Variants in GPHN observed in about 807,000 individuals in gnomAD.
GPHN encodes gephyrin.
Under a neutral mutation model 95.5 loss-of-function variants are expected in GPHN, and 17 were observed. The observed-to-expected ratio is 0.18, with a 90% confidence interval of 0.12 to 0.27. GPHN has a LOEUF of 0.27. GPHN is among the 10% of genes least tolerant of loss of function. The probability of loss-of-function intolerance (pLI) is 1.00; values close to 1 mark genes in which losing one functional copy is unlikely to be tolerated. For synonymous variants in GPHN, 320 were observed against 322.5 expected, an observed-to-expected ratio of 0.99 and a Z score of 0.08; for missense variants, 660 against 978.1, an observed-to-expected ratio of 0.67 and a Z score of 4.34.
At chr14:67,727,016 C>T in the GPHN span, 1 of 1,613,382 alleles carries the variant, frequency 6.2e-7, no homozygotes, top group Non-Finnish European at 8.5e-7. Flanking sequence ...CCTGGAGCGG[C>T]TAAAGGTGTC....
intron 1 of GPHN, among the ~76,000 whole-genome samples, chr14:66,627,390 C>G (rs1280215465): frequency 6.6e-6 from 1 of 151,850 alleles, no homozygotes; most frequent in African/African-American, 2.4e-5. Context: ...AACATTGTTT[C>G]TCAGATACAT....
At chr14:67,527,123 G>A in the GPHN span, among the ~76,000 whole-genome samples, 3 of 152,194 alleles carry the variant, frequency 2.0e-5, no homozygotes, top group Non-Finnish European at 2.9e-5. Flanking sequence ...CCTGGAAGGT[G>A]CCCCGCAAGG....
intron 8 of GPHN, among the ~76,000 whole-genome samples, chr14:66,952,262 A>T (rs908089121): frequency 1.3e-5 from 2 of 152,216 alleles, no homozygotes; most frequent in African/African-American, 4.8e-5. Context: ...TATTTTGGAC[A>T]TAACATATAA....
chr14:67,339,486 C>G, the GPHN span, among the ~76,000 whole-genome samples: 1 of 152,204 alleles, frequency 6.6e-6, no homozygotes, highest in South Asian at 2.1e-4. Flanking sequence ...CCCCCCATGC[C>G]TTTCCTAAAT....
At chr14:67,575,742 C>A in the GPHN span, 4 of 1,049,910 alleles carry the variant, frequency 3.8e-6, no homozygotes, top group Non-Finnish European at 5.7e-6. Flanking sequence ...TTCCCAGCTT[C>A]ACGGAGCCTA....
intron 2 of GPHN, among the ~76,000 whole-genome samples, chr14:66,713,233 G>T (rs2069835711): frequency 6.6e-6 from 1 of 152,102 alleles, no homozygotes; most frequent in South Asian, 2.1e-4. Context: ...GTGTAGAAGG[G>T]TTTTTCTGAT....
At chr14:67,732,411 T>C in the GPHN span, among the ~76,000 whole-genome samples, 2 of 135,450 alleles carry the variant, frequency 1.5e-5, no homozygotes, top group African/African-American at 5.7e-5. Context: ...GCCTGGGTGA[T>C]GAAGTGAGAC....
intron 10 of GPHN, among the ~76,000 whole-genome samples, chr14:67,057,138 G>A (rs955582734): frequency 5.1e-4 from 77 of 152,168 alleles, no homozygotes; most frequent in Non-Finnish European, 1.6e-4. Context: ...ACAGTGCAGC[G>A]GCAGGCTGAA....
At chr14:67,734,105 G>T in the GPHN span, 1 of 373,516 alleles carries the variant, frequency 2.7e-6, no homozygotes, top group Non-Finnish European at 5.2e-6. Context: ...GGGGGCAGCA[G>T]GACTGGGCAG....
At chr14:66,958,948 G>A (rs964080692) in intron 8 of GPHN, among the ~76,000 whole-genome samples, 5 of 151,782 alleles carry the variant, frequency 3.3e-5, no homozygotes, top group Non-Finnish European at 7.4e-5. Flanking sequence ...ATTTTCTGGT[G>A]TACCATTTTG....
At chr14:66,711,754 C>A (rs10142385) in intron 2 of GPHN, among the ~76,000 whole-genome samples, 46,854 of 151,024 alleles carry the variant, frequency 0.31, 11,133 homozygotes, top group African/African-American at 0.64. Flanking sequence ...CCCTACCCCC[C>A]CACAGGCCCC....
chr14:67,401,586 C>G, the GPHN span, among the ~76,000 whole-genome samples: 1 of 152,114 alleles, frequency 6.6e-6, no homozygotes, highest in Non-Finnish European at 1.5e-5. Context: ...AAAGACCACT[C>G]AGGACACAGT....
In GPHN at chr14:66,579,843, G is replaced by A. The variant is rs755557032; in HGVS notation, c.64+71252G>A. Among the ~76,000 whole-genome samples, 14 of 151,636 alleles carry A rather than the reference G, an allele frequency of 9.2e-5. 1 individual carries two copies. Among genetic ancestry groups the A allele is most frequent in the Non-Finnish European group, 1.8e-4 (12 of 67,656 alleles). ...GAATTTGATTTATAATTTGATATGTGGACTTCAATCACACAGTAAAGCAAC... is the reference window on the plus strand; with the variant it reads ...GAATTTGATTTATAATTTGATATGTAGACTTCAATCACACAGTAAAGCAAC... On this transcript the variant is annotated intron_variant, in intron 1 of 22. Coordinates refer to ENST00000478722, the MANE Select transcript of GPHN (RefSeq NM_020806.5).
rs538254326 is a variant in GPHN at position 66,554,974 on chromosome 14, G to A, written c.64+46383G>A. ...ATATTCTAGTACCCAAAGATACTATGACAGTTGCCATGAAGGAACCTTATA... is the reference window on the plus strand; with the variant it reads ...ATATTCTAGTACCCAAAGATACTATAACAGTTGCCATGAAGGAACCTTATA... On this transcript the variant is annotated intron_variant, in intron 1 of 22. Coordinates refer to ENST00000478722, the MANE Select transcript of GPHN (RefSeq NM_020806.5). 5.9e-5 allele frequency among the ~76,000 whole-genome samples: 9 copies of A among 152,278 alleles called. No individual in the cohort carries two copies. The East Asian group carries it at 1.7e-3, about 29-fold the overall frequency.
chr14:67,375,961 C>T, the GPHN span, among the ~76,000 whole-genome samples: 2 of 152,010 alleles, frequency 1.3e-5, no homozygotes, highest in African/African-American at 4.8e-5. Flanking sequence ...TTATGTGTAA[C>T]TATGATGAAG....
chr14:67,631,433 TC>T, the GPHN span, among the ~76,000 whole-genome samples: 2,881 of 141,606 alleles, frequency 0.02, 221 homozygotes, highest in African/African-American at 0.072. Context: ...TTTCTTTCTT[TC>T]TTTTTTTTTT....
At chr14:67,277,315 T>C in the GPHN span, among the ~76,000 whole-genome samples, 2 of 152,040 alleles carry the variant, frequency 1.3e-5, no homozygotes, top group African/African-American at 4.8e-5. Context: ...TTTAAGCAAA[T>C]GTAGTTTTAA....
chr14:67,624,692 G>A, the GPHN span, among the ~76,000 whole-genome samples: 4 of 152,154 alleles, frequency 2.6e-5, no homozygotes, highest in East Asian at 5.8e-4. Context: ...CAACATTGGG[G>A]ATTAAAATTC....
Position 67,088,502 on chromosome 14 carries a change from T to A in GPHN, c.1145-481T>A, listed in dbSNP as rs558898605. On this transcript the variant is annotated intron_variant, in intron 11 of 22. Coordinates refer to ENST00000478722, the MANE Select transcript of GPHN (RefSeq NM_020806.5). ...TTTACCTTAAGAATCTATCATTTCTTATTTAAGTACCTATATTGTTGATAG... is the reference window on the plus strand; with the variant it reads ...TTTACCTTAAGAATCTATCATTTCTAATTTAAGTACCTATATTGTTGATAG... Among the ~76,000 whole-genome samples the A allele has an allele frequency of 2.6e-4, 39 of 152,344 alleles. 2 individuals are homozygous for A. In the South Asian group the frequency reaches 7.7e-3, roughly 30 times the overall value.
Sources: allele counts gnomAD v4.1 joint callset (sites outside exome capture counted in the v4.1 genomes callset), GRCh38; gene constraint gnomAD v4.1.1; transcripts MANE v1.5; gene names NCBI Gene and HGNC (gene_info 2026-07-23, HGNC 2026-07-21).